Variants in GRM7 observed in about 807,000 individuals in gnomAD.
The protein encoded by GRM7 is glutamate metabotropic receptor 7.
A neutral mutation model predicts 84.5 loss-of-function variants in GRM7; 35 were observed. The observed-to-expected ratio is 0.41, with a 90% CI of 0.32 to 0.55. The LOEUF (loss-of-function observed/expected upper bound fraction) is 0.55, where lower values mean the gene tolerates loss of function less well. Among genes scored for constraint, GRM7 ranks in the 20% least tolerant of loss-of-function variants. The pLI, the probability that GRM7 is intolerant of heterozygous loss-of-function variation, is 0.19. For synonymous variants in GRM7, 487 were observed against 455.1 expected (o/e 1.07, Z -0.89); for missense variants, 1,003 against 1,194.6 (o/e 0.84, Z 2.36).
At chr3:7,101,361 G>A (rs1425202291) in intron 1 of GRM7, among the ~76,000 whole-genome samples, 2 of 151,558 alleles carry the variant, frequency 1.3e-5, no homozygotes, top group Non-Finnish European at 3.0e-5. Context: ...GTTATAACTT[G>A]CATTTCTGTG....
chr3:7,717,709 C>T (rs1701813557), intron 9 of GRM7, among the ~76,000 whole-genome samples: 1 of 152,120 alleles, frequency 6.6e-6, no homozygotes, highest in Non-Finnish European at 1.5e-5. Flanking sequence ...GGGAGAGTCT[C>T]CAGTACTAGA....
At chr3:7,177,472 G>T (rs1366316192) in intron 2 of GRM7, among the ~76,000 whole-genome samples, 2 of 141,136 alleles carry the variant, frequency 1.4e-5, no homozygotes, top group Non-Finnish European at 3.1e-5. Flanking sequence ...TTGATATCTT[G>T]TAGTTATTAG....
intron 8 of GRM7, among the ~76,000 whole-genome samples, chr3:7,596,162 T>A (rs1466728250): frequency 6.6e-6 from 1 of 152,144 alleles, no homozygotes; most frequent in South Asian, 2.1e-4. Flanking sequence ...ATTGATGCTA[T>A]ATAAGGTACA....
chr3:7,690,085 A>C (rs550007739), intron 9 of GRM7, among the ~76,000 whole-genome samples: 3 of 152,312 alleles, frequency 2.0e-5, no homozygotes, highest in African/African-American at 7.2e-5. Flanking sequence ...GGTAGGGGAA[A>C]GTATACACAA....
chr3:7,018,903 C>G (rs1695671418), intron 1 of GRM7, among the ~76,000 whole-genome samples: 1 of 152,174 alleles, frequency 6.6e-6, no homozygotes, highest in East Asian at 1.9e-4. Context: ...TCGAGACCAG[C>G]CTGGCCAGCA....
chr3:7,160,180 G>A (rs1694580390), intron 2 of GRM7, among the ~76,000 whole-genome samples: 1 of 152,090 alleles, frequency 6.6e-6, no homozygotes, highest in Non-Finnish European at 1.5e-5. Flanking sequence ...AAAACCCACT[G>A]TAGGTAAATG....
intron 8 of GRM7, among the ~76,000 whole-genome samples, chr3:7,641,534 T>C (rs73810838): frequency 9.9e-4 from 150 of 152,192 alleles, no homozygotes; most frequent in African/African-American, 3.2e-3. Flanking sequence ...TTTGGGAACA[T>C]GTGAAAATCT....
intron 4 of GRM7, among the ~76,000 whole-genome samples, chr3:7,377,451 C>A (rs138743646): frequency 7.4e-4 from 112 of 152,220 alleles, no homozygotes; most frequent in African/African-American, 2.6e-3. Flanking sequence ...CTTAAGACAG[C>A]GTCTGGAATC....
chr3:7,499,707 G>A (rs1166503549), intron 7 of GRM7, among the ~76,000 whole-genome samples: 1 of 151,776 alleles, frequency 6.6e-6, no homozygotes, highest in African/African-American at 2.4e-5. Context: ...AGATAAAACT[G>A]TTGAAGTGGA....
chr3:7,099,401 T>A (rs1487919323), intron 1 of GRM7, among the ~76,000 whole-genome samples: 1 of 148,562 alleles, frequency 6.7e-6, no homozygotes, highest in African/African-American at 2.5e-5. Flanking sequence ...ATTATATACA[T>A]ACATAATACA....
chr3:7,158,125 C>G (rs1435257598), intron 2 of GRM7, among the ~76,000 whole-genome samples: 2 of 152,088 alleles, frequency 1.3e-5, no homozygotes, highest in Non-Finnish European at 2.9e-5. Context: ...TTATTTAACA[C>G]ACATCTTCAT....
At chr3:7,236,761 A>T (rs1697362976) in intron 2 of GRM7, among the ~76,000 whole-genome samples, 1 of 152,290 alleles carries the variant, frequency 6.6e-6, no homozygotes, top group East Asian at 1.9e-4. Flanking sequence ...CTCAGCTCTC[A>T]GTTTCTGTGC....
chr3:7,135,299 A>C (rs1156394965), intron 1 of GRM7, among the ~76,000 whole-genome samples: 2 of 152,164 alleles, frequency 1.3e-5, no homozygotes, highest in South Asian at 4.1e-4. Flanking sequence ...TTCTTCAATG[A>C]TTTTCCCTTT....
chr3:7,496,720 A>G (rs776933682), intron 7 of GRM7, among the ~76,000 whole-genome samples: 6 of 152,020 alleles, frequency 3.9e-5, no homozygotes, highest in Non-Finnish European at 7.4e-5. Flanking sequence ...AAATACACTG[A>G]AATATAAAGG....
intron 9 of GRM7, among the ~76,000 whole-genome samples, chr3:7,694,903 G>T (rs554454912): frequency 6.6e-6 from 1 of 152,224 alleles, no homozygotes; most frequent in South Asian, 2.1e-4. Context: ...GGCATCAAAA[G>T]GTCACCTGTA....
At chr3:7,216,642 C>G (rs1018025450) in intron 2 of GRM7, among the ~76,000 whole-genome samples, 1 of 152,160 alleles carries the variant, frequency 6.6e-6, no homozygotes, top group South Asian at 2.1e-4. Flanking sequence ...CTCACTCTCC[C>G]TAAAAATTCC....
At chr3:6,961,868 C>T (rs747851242) in intron 1 of GRM7, among the ~76,000 whole-genome samples, 1 of 152,082 alleles carries the variant, frequency 6.6e-6, no homozygotes, top group Non-Finnish European at 1.5e-5. Flanking sequence ...ACTAGATTAT[C>T]CCTCCTGAGG....
chr3:7,449,645 T>A (rs13321781), intron 5 of GRM7, among the ~76,000 whole-genome samples: 1 of 16 alleles, frequency 0.062, no homozygotes, highest in African/African-American at 0.17. Flanking sequence ...GATTTTAAAA[T>A]ATCCAGAAAT....
At chr3:7,470,072 G>A (rs1208062763) in intron 7 of GRM7, among the ~76,000 whole-genome samples, 5 of 152,130 alleles carry the variant, frequency 3.3e-5, no homozygotes, top group Admixed American at 2.0e-4. Context: ...TTGATACAAG[G>A]TGTGCGCTCT....
Sources: gnomAD v4.1 joint callset for allele counts (sites outside exome capture counted in the v4.1 genomes callset) on GRCh38, gnomAD v4.1.1 for gene constraint, MANE v1.5 for transcripts, NCBI Gene and HGNC (gene_info 2026-07-23, HGNC 2026-07-21) for gene names.